RYR2: variants seen among roughly 807,000 people sequenced by gnomAD.
RYR2 encodes cardiac muscle ryanodine receptor-calcium release channel.
In RYR2, 227 loss-of-function variants were observed where a neutral mutation model predicts 601.1. The observed-to-expected ratio is 0.38, with a 90% CI of 0.34 to 0.42. The LOEUF (loss-of-function observed/expected upper bound fraction) is 0.42, where lower values mean the gene tolerates loss of function less well. Ranked by LOEUF, RYR2 falls within the 10% of genes least tolerant of loss-of-function variation. The pLI is 1.00. For missense variants in RYR2, 4,646 were observed against 6,156.5 expected (o/e 0.75, Z 8.21); for synonymous variants, 2,223 against 2,175.1 (o/e 1.02, Z -0.61).
At chr1:237,088,056 C>A (rs1436980735) in intron 1 of RYR2, among the ~76,000 whole-genome samples, 1 of 152,034 alleles carries the variant, frequency 6.6e-6, no homozygotes, top group Non-Finnish European at 1.5e-5. Context: ...GCCATTTCTG[C>A]CTTTGGAAAT....
chr1:237,624,995 A>G (rs972115422), intron 39 of RYR2, among the ~76,000 whole-genome samples: 7 of 151,932 alleles, frequency 4.6e-5, no homozygotes, highest in Non-Finnish European at 7.4e-5. Context: ...GTGTATATAT[A>G]TATATTTCTA....
At chr1:237,724,013 A>G (rs1281801462) in intron 74 of RYR2, among the ~76,000 whole-genome samples, 2 of 151,868 alleles carry the variant, frequency 1.3e-5, no homozygotes, top group Non-Finnish European at 2.9e-5. Context: ...TCCATTCAGC[A>G]AAATAATCAC....
chr1:237,094,822 A>G (rs1283355474), intron 1 of RYR2, among the ~76,000 whole-genome samples: 1 of 152,040 alleles, frequency 6.6e-6, no homozygotes, highest in African/African-American at 2.4e-5. Flanking sequence ...CAATCTCCTG[A>G]CCTCGTGATC....
intron 3 of RYR2, among the ~76,000 whole-genome samples, chr1:237,343,384 C>T (rs1698003589): frequency 1.3e-5 from 2 of 152,330 alleles, no homozygotes; most frequent in South Asian, 4.1e-4. Context: ...TGCATTTGTT[C>T]ACTCTATTGA....
chr1:237,694,087 G>A (rs1029055712), intron 63 of RYR2, among the ~76,000 whole-genome samples: 11 of 152,156 alleles, frequency 7.2e-5, no homozygotes, highest in African/African-American at 2.6e-4. Context: ...AAGGTCAGGG[G>A]ATCGAGACCA....
At chr1:237,460,704 C>G (rs1659377560) in intron 16 of RYR2, among the ~76,000 whole-genome samples, 1 of 152,172 alleles carries the variant, frequency 6.6e-6, no homozygotes, top group African/African-American at 2.4e-5. Context: ...ACTCCTCTTT[C>G]ATTAGGTTCC....
intron 56 of RYR2, 33 bp downstream of exon 56, chr1:237,660,980 TTATG>T (rs1683730757): frequency 7.6e-7 from 1 of 1,318,058 alleles, no homozygotes; most frequent in Non-Finnish European, 9.8e-7. Context: ...AATCAACTGT[TTATG>T]TTATGGATTA....
intron 24 of RYR2, among the ~76,000 whole-genome samples, chr1:237,514,572 C>G (rs1291879257): frequency 1.3e-5 from 2 of 152,126 alleles, no homozygotes; most frequent in Admixed American, 6.5e-5. Context: ...AAGATTCATA[C>G]CATGCCCAAT....
At chr1:237,605,328 A>G (rs946042055) in intron 35 of RYR2, among the ~76,000 whole-genome samples, 10 of 152,198 alleles carry the variant, frequency 6.6e-5, no homozygotes, top group African/African-American at 2.4e-4. Flanking sequence ...AAACCACATG[A>G]TTATCTCAAC....
At chr1:237,092,655 G>A (rs945018763) in intron 1 of RYR2, among the ~76,000 whole-genome samples, 1 of 151,440 alleles carries the variant, frequency 6.6e-6, no homozygotes. Context: ...TCAGCCTCCC[G>A]AGTAACTGGG....
Position 237,625,683 on chromosome 1 carries a change from G to A in RYR2, c.6045G>A (p.Gly2015=). 6.2e-7 allele frequency: 1 copy of A among 1,613,656 alleles called. No individual in the cohort carries two copies. The highest frequency in any genetic ancestry group is 1.1e-5 in the South Asian group (1 of 91,068). The part of the protein sequence containing the change: ...THCGIELDED[G]SLDGNSDLTI... ...TAGGAATTGAGCTGGATGAAGATGG[G>A]TCTCTGGATGGAAACAGTGATTTAA... Residue 2015 remains glycine, a synonymous_variant, in exon 40 of 105, where the codon GGG becomes GGA. Coordinates refer to ENST00000366574, the MANE Select transcript of RYR2 (RefSeq NM_001035.3).
intron 43 of RYR2, among the ~76,000 whole-genome samples, 170 bp from the exon 44 acceptor site, chr1:237,634,719 T>A (rs1680694871): frequency 6.8e-6 from 1 of 146,506 alleles, no homozygotes; most frequent in Admixed American, 6.9e-5. Flanking sequence ...TATACAATTT[T>A]TATTTGTCAA....
intron 79 of RYR2, 149 bp downstream of exon 79, chr1:237,733,905 CATT>C (rs1158527109): frequency 1.2e-5 from 8 of 661,332 alleles, no homozygotes; most frequent in African/African-American, 1.8e-5. Flanking sequence ...GGCAGGTCAT[CATT>C]GTTTCCTACT....
At chr1:237,756,203 T>C in intron 80 of RYR2, 85 bp from the exon 81 acceptor site, 1 of 821,834 alleles carries the variant, frequency 1.2e-6, no homozygotes, top group Non-Finnish European at 2.1e-6. Context: ...AGCCCATACA[T>C]GAAGAGATGA....
chr1:237,780,172 C>T (rs568329471), intron 88 of RYR2, among the ~76,000 whole-genome samples: 97 of 152,070 alleles, frequency 6.4e-4, no homozygotes, highest in Non-Finnish European at 1.2e-3. Flanking sequence ...AAAGTTGAGG[C>T]CAAGTTGAGA....
chr1:237,829,310 A>T (rs533845957), intron 102 of RYR2, among the ~76,000 whole-genome samples: 5 of 152,290 alleles, frequency 3.3e-5, no homozygotes, highest in African/African-American at 1.2e-4. Context: ...GGCTGTCAGC[A>T]TTTTCCAGGT....
intron 101 of RYR2, among the ~76,000 whole-genome samples, chr1:237,827,936 CAAAAAAAAAAAA>C (rs58421624): frequency 0.012 from 813 of 69,378 alleles, 14 homozygotes; most frequent in Middle Eastern, 0.071. Context: ...GACTCCGTCT[CAAAAAAAAAAAA>C]AAAAAAAAAA....
At position 237,830,473 on chromosome 1, in the gene RYR2, T is replaced by TTTTCC; in HGVS notation, c.14656-53_14656-49dup. The TTTTCC allele has an allele frequency of 2.8e-6, 3 of 1,054,546 alleles. No individual in the cohort carries two copies. The South Asian group carries it at 3.8e-5, about 13-fold the overall frequency. The allele number at this position is 1,054,546 out of a possible 1,614,324, so 65.3% of individuals were successfully genotyped here. On this transcript the variant is annotated intron_variant, in intron 102 of 104. Transcript: ENST00000366574. Reference sequence around the variant, plus strand: ...AGCTGCCCCTACATGGCGAGTTGTGTTTTCCTTTTGTTTTGCTTTCTGAAC... The same window carrying TTTTCC: ...AGCTGCCCCTACATGGCGAGTTGTGTTTTCCTTTCCTTTTGTTTTGCTTTCTGAAC...
chr1:237,570,232 AG>A (rs962957591), intron 29 of RYR2, among the ~76,000 whole-genome samples: 2 of 150,530 alleles, frequency 1.3e-5, no homozygotes, highest in African/African-American at 2.4e-5. Context: ...AAAAAAAAAA[AG>A]ATGGAAGGTG....
Sources: allele counts gnomAD v4.1 joint callset (sites outside exome capture counted in the v4.1 genomes callset), GRCh38; gene constraint gnomAD v4.1.1; transcripts MANE v1.5; gene names NCBI Gene and HGNC (gene_info 2026-07-23, HGNC 2026-07-21).